The following DYM variants were observed in gnomAD, a reference collection of about 807,000 sequenced individuals.
DYM encodes the protein dyggve-Melchior-Clausen syndrome protein.
In DYM, 78 loss-of-function variants were observed where a neutral mutation model predicts 93.1. The observed-to-expected ratio is 0.84, with a 90% confidence interval of 0.70 to 1.01. The LOEUF is 1.01. DYM is among the 50% of genes least tolerant of loss of function. DYM has a pLI of 0.00. For synonymous variants in DYM, 321 were observed against 319.7 expected, an observed-to-expected ratio of 1.00 and a Z score of -0.04; for missense variants, 789 against 845.0, an observed-to-expected ratio of 0.93 and a Z score of 0.82.
intron 8 of DYM, among the ~76,000 whole-genome samples, chr18:49,289,675 C>T (rs2059908382): frequency 6.9e-6 from 1 of 144,852 alleles, no homozygotes; most frequent in Admixed American, 7.0e-5. Context: ...TGTGCCACTG[C>T]ACTCCAACCC....
chr18:49,145,552 CTG>C (rs2085031927), intron 15 of DYM, among the ~76,000 whole-genome samples: 1 of 151,296 alleles, frequency 6.6e-6, no homozygotes, highest in Admixed American at 6.6e-5. Flanking sequence ...TTATAGGTAA[CTG>C]TTTAACAATT....
chr18:49,338,945 A>G (rs1182595912), intron 6 of DYM, among the ~76,000 whole-genome samples: 54 of 152,246 alleles, frequency 3.5e-4, no homozygotes, highest in Non-Finnish European at 1.2e-4. Flanking sequence ...GAATCCCTGG[A>G]CAAAGTTAAC....
chr18:49,175,184 C>T (rs2089246267), intron 14 of DYM, among the ~76,000 whole-genome samples: 1 of 152,120 alleles, frequency 6.6e-6, no homozygotes, highest in African/African-American at 2.4e-5. Flanking sequence ...TCATTTAAGG[C>T]CTTGATTGTA....
intron 8 of DYM, among the ~76,000 whole-genome samples, chr18:49,319,579 G>T (rs1201891126): frequency 1.3e-5 from 2 of 152,152 alleles, no homozygotes; most frequent in South Asian, 4.1e-4. Context: ...TTTTCAGCTC[G>T]CATTTTGTTC....
chr18:49,444,046 T>G (rs2081896553), intron 1 of DYM, among the ~76,000 whole-genome samples: 2 of 152,156 alleles, frequency 1.3e-5, no homozygotes, highest in South Asian at 2.1e-4. Flanking sequence ...CTGATGGTGG[T>G]AAAAATATGT....
chr18:49,379,287 G>C (rs759349014), intron 4 of DYM, among the ~76,000 whole-genome samples: 2 of 151,888 alleles, frequency 1.3e-5, no homozygotes. Context: ...TTGATGTAAA[G>C]AATATAACGG....
chr18:49,203,240 C>G (rs1188145894), intron 14 of DYM, among the ~76,000 whole-genome samples: 1 of 14,996 alleles, frequency 6.7e-5, no homozygotes, highest in Non-Finnish European at 2.9e-4. Context: ...GGGGGTCAGC[C>G]CCCCCTGCCC....
intron 14 of DYM, among the ~76,000 whole-genome samples, chr18:49,180,229 AATT>A (rs1266538261): frequency 6.6e-6 from 1 of 152,110 alleles, no homozygotes; most frequent in East Asian, 1.9e-4. Context: ...AAGAGATATA[AATT>A]ATTATCTAAA....
At chr18:49,365,213 G>A (rs947239564) in intron 5 of DYM, among the ~76,000 whole-genome samples, 3 of 151,946 alleles carry the variant, frequency 2.0e-5, no homozygotes, top group African/African-American at 7.3e-5. Context: ...CTAGCATTCA[G>A]AAATTATAAA....
chr18:49,245,430 C>A (rs960068833), intron 13 of DYM, among the ~76,000 whole-genome samples: 2 of 152,146 alleles, frequency 1.3e-5, no homozygotes, highest in Admixed American at 1.3e-4. Flanking sequence ...CAGCAAGGAA[C>A]AACCCTGGGG....
At chr18:49,388,822 G>A (rs2068883556) in intron 3 of DYM, among the ~76,000 whole-genome samples, 1 of 150,118 alleles carries the variant, frequency 6.7e-6, no homozygotes, top group Admixed American at 6.7e-5. Context: ...CACCTTTAAA[G>A]TACGGAAAAT....
intron 6 of DYM, among the ~76,000 whole-genome samples, chr18:49,362,668 T>C (rs1030532292): frequency 6.6e-6 from 1 of 152,174 alleles, no homozygotes; most frequent in Non-Finnish European, 1.5e-5. Flanking sequence ...ATCAGTTCCT[T>C]TTAGAGAGCT....
At chr18:49,203,871 T>TAA (rs71165370) in intron 14 of DYM, among the ~76,000 whole-genome samples, 14,230 of 63,454 alleles carry the variant, frequency 0.22, 2,488 homozygotes, top group East Asian at 0.43. Flanking sequence ...TTTAAAAAAG[T>TAA]AAAAAAAAAA....
At chr18:49,243,686 AAAG>A (rs2094092347) in intron 13 of DYM, among the ~76,000 whole-genome samples, 1 of 151,780 alleles carries the variant, frequency 6.6e-6, no homozygotes, top group Non-Finnish European at 1.5e-5. Context: ...AAAAAAGAAA[AAAG>A]AAAAAAAAAA....
intron 13 of DYM, among the ~76,000 whole-genome samples, chr18:49,219,595 G>T (rs1210233352): frequency 9.9e-5 from 15 of 152,122 alleles, no homozygotes; most frequent in Admixed American, 4.6e-4. Flanking sequence ...TGCAAGGCTG[G>T]TTCAATATAT....
chr18:49,406,988 A>G (rs2071570879), intron 2 of DYM, among the ~76,000 whole-genome samples: 1 of 152,260 alleles, frequency 6.6e-6, no homozygotes, highest in Non-Finnish European at 1.5e-5. Context: ...TGGCACATCT[A>G]CAACACAGAA....
intron 3 of DYM, among the ~76,000 whole-genome samples, chr18:49,384,368 G>A (rs2068365384): frequency 6.9e-6 from 1 of 145,524 alleles, no homozygotes; most frequent in Non-Finnish European, 1.5e-5. Flanking sequence ...AGTCACACCT[G>A]TAATCCCAGC....
chr18:49,358,780 C>CCA (rs2065778930), intron 6 of DYM, among the ~76,000 whole-genome samples: 1 of 152,132 alleles, frequency 6.6e-6, no homozygotes, highest in African/African-American at 2.4e-5. Flanking sequence ...GGAGTGGGGC[C>CCA]TGTGCTTGAC....
chr18:49,216,819 A>C (rs571256738), intron 13 of DYM, among the ~76,000 whole-genome samples: 273 of 152,306 alleles, frequency 1.8e-3, no homozygotes, highest in African/African-American at 6.4e-3. Flanking sequence ...CAGAGCAAAA[A>C]AACTGGAAAC....
Sources: allele counts gnomAD v4.1 joint callset (sites outside exome capture counted in the v4.1 genomes callset), GRCh38; gene constraint gnomAD v4.1.1; transcripts MANE v1.5; gene names NCBI Gene and HGNC (gene_info 2026-07-23, HGNC 2026-07-21).